Variants in CDH2 observed in about 807,000 individuals in gnomAD.
The protein encoded by CDH2 is cadherin 2.
CDH2 carries 17 observed loss-of-function variants against 92.0 expected under a neutral mutation model. That is an observed-to-expected ratio of 0.18 (90% CI 0.13 to 0.28). The LOEUF (loss-of-function observed/expected upper bound fraction) is 0.28, where lower values mean the gene tolerates loss of function less well. Ranked by LOEUF, CDH2 falls within the 10% of genes least tolerant of loss-of-function variation. The pLI, the probability that CDH2 is intolerant of heterozygous loss-of-function variation, is 1.00. For missense variants in CDH2, 862 were observed against 1,133.1 expected (o/e 0.76, Z 3.44); for synonymous variants, 419 against 415.9 (o/e 1.01, Z -0.09).
intron 9 of CDH2, among the ~76,000 whole-genome samples, chr18:27,990,913 C>A (rs1462264103): frequency 6.6e-6 from 1 of 152,146 alleles, no homozygotes; most frequent in Non-Finnish European, 1.5e-5. Flanking sequence ...CGCACACACA[C>A]CTTTTAAAAA....
intron 2 of CDH2, among the ~76,000 whole-genome samples, chr18:28,116,681 G>A (rs1314186434): frequency 6.6e-6 from 1 of 152,138 alleles, no homozygotes; most frequent in African/African-American, 2.4e-5. Context: ...GCTAATGATT[G>A]TCATTTCCCT....
rs757471184 is a variant in CDH2 at position 28,036,449 on chromosome 18, G to A, written c.173-22540C>T. ...TAACTAAATCACCATGTTATGGAAT[G>A]AATAAGGCAATTTTTGTTACCTGAA... On this transcript the variant is annotated intron_variant, in intron 2 of 15. Transcript: ENST00000269141. The A allele has an allele frequency of 1.5e-5, 17 of 1,171,956 alleles. No homozygotes were observed. In the South Asian group the frequency reaches 2.1e-4, roughly 14 times the overall value. The allele number at this position is 1,171,956 out of a possible 1,614,324, so 72.6% of individuals were successfully genotyped here.
intron 2 of CDH2, among the ~76,000 whole-genome samples, chr18:28,137,480 G>C (rs1401611180): frequency 6.6e-6 from 1 of 152,030 alleles, no homozygotes; most frequent in Non-Finnish European, 1.5e-5. Context: ...ATCCCAACCA[G>C]AGTGATCTAT....
intron 2 of CDH2, among the ~76,000 whole-genome samples, chr18:28,067,024 T>C (rs969113808): frequency 1.3e-5 from 2 of 152,144 alleles, no homozygotes; most frequent in African/African-American, 4.8e-5. Flanking sequence ...ACAAACTCTA[T>C]AAATGTACTA....
At chr18:28,013,126 T>G (rs2144036701) in intron 3 of CDH2, among the ~76,000 whole-genome samples, 1 of 152,340 alleles carries the variant, frequency 6.6e-6, no homozygotes, top group South Asian at 2.1e-4. Flanking sequence ...TGAATTGAAC[T>G]GAATGGCACT....
chr18:27,959,163 T>C (rs554872988), intron 15 of CDH2, among the ~76,000 whole-genome samples: 1 of 152,216 alleles, frequency 6.6e-6, no homozygotes, highest in Non-Finnish European at 1.5e-5. Flanking sequence ...ATGAATTTGT[T>C]TGAACTTTTC....
intron 2 of CDH2, among the ~76,000 whole-genome samples, chr18:28,017,251 T>C (rs2013275678): frequency 6.6e-6 from 1 of 152,124 alleles, no homozygotes; most frequent in Non-Finnish European, 1.5e-5. Flanking sequence ...CTTGAATTTT[T>C]TTTCTTGGCA....
At chr18:28,021,115 T>C (rs1468842358) in intron 2 of CDH2, among the ~76,000 whole-genome samples, 1 of 151,966 alleles carries the variant, frequency 6.6e-6, no homozygotes, top group African/African-American at 2.4e-5. Context: ...AAGCTGGTAT[T>C]AGTCAGAGTT....
chr18:28,165,058 C>T (rs2016358465), intron 1 of CDH2, among the ~76,000 whole-genome samples: 1 of 152,208 alleles, frequency 6.6e-6, no homozygotes, highest in African/African-American at 2.4e-5. Flanking sequence ...AGTGCTCAAA[C>T]TTATTCAAAC....
At chr18:28,039,279 T>C (rs1332336872) in intron 2 of CDH2, among the ~76,000 whole-genome samples, 1 of 152,118 alleles carries the variant, frequency 6.6e-6, no homozygotes, top group African/African-American at 2.4e-5. Flanking sequence ...CAAGGATACA[T>C]GACTCACAGG....
At chr18:28,064,138 G>T (rs890688468) in intron 2 of CDH2, among the ~76,000 whole-genome samples, 4 of 151,594 alleles carry the variant, frequency 2.6e-5, no homozygotes, top group African/African-American at 4.8e-5. Context: ...CTCAAAAGAG[G>T]GGGGGGTAGG....
chr18:28,162,221 A>T (rs1035250812), intron 1 of CDH2, among the ~76,000 whole-genome samples: 3 of 152,170 alleles, frequency 2.0e-5, no homozygotes, highest in Non-Finnish European at 4.4e-5. Flanking sequence ...ATCAAAAAGA[A>T]GTTGGTCCAA....
intron 7 of CDH2, among the ~76,000 whole-genome samples, chr18:28,000,172 C>T (rs1016205933): frequency 5.9e-5 from 9 of 152,140 alleles, no homozygotes; most frequent in South Asian, 2.1e-4. Flanking sequence ...GGTGCAATCA[C>T]GGCTCACTGC....
chr18:28,161,399 T>G (rs1277372068), intron 1 of CDH2, among the ~76,000 whole-genome samples: 1 of 151,660 alleles, frequency 6.6e-6, no homozygotes. Flanking sequence ...GCCAACACAG[T>G]GAAACCCCAT....
Position 28,007,165 on chromosome 18 carries a change from A to AATATAT in CDH2, c.703-1178_703-1173dup, listed in dbSNP as rs1555632742. Among the ~76,000 whole-genome samples, 477 of 110,428 alleles carry AATATAT rather than the reference A, an allele frequency of 4.3e-3. 11 individuals carry two copies. Among genetic ancestry groups the AATATAT allele is most frequent in the East Asian group, 0.038 (166 of 4,350 alleles). The allele number at this position is 110,428 out of a possible 152,430, so 72.4% of individuals were successfully genotyped here. On this transcript the variant is annotated intron_variant, in intron 5 of 15. Transcript: ENST00000269141. The stretch of plus-strand genomic sequence containing the variant: ...ACAGAGTGAGACTCCATAAAAAAAA[A>AATATAT]ATATATATATATATATATATATATA...
At position 28,162,992 on chromosome 18, in the gene CDH2, C is replaced by T. The variant is rs17495300; in HGVS notation, c.60+13971G>A. 4.2e-3 allele frequency among the ~76,000 whole-genome samples: 637 copies of T among 152,296 alleles called. 4 individuals carry two copies. Among genetic ancestry groups the T allele is most frequent in the African/African-American group, 0.015 (605 of 41,558 alleles). ...TTCTCAGTGCTTCAAAACACACCTA[C>T]ACAAGCCATGACTGAAAATGTTAGG... On this transcript the variant is annotated intron_variant, in intron 1 of 15. Transcript: ENST00000269141.
chr18:27,992,889 G>C (rs1204937029), intron 8 of CDH2, 49 bp from the exon 9 acceptor site: 2 of 1,434,474 alleles, frequency 1.4e-6, no homozygotes, highest in Admixed American at 1.8e-5. Flanking sequence ...GACCACTGAA[G>C]GACAACTTGT....
chr18:27,955,246 T>C lies in CDH2; in HGVS notation c.2515-2887A>G, dbSNP rs578194174. On this transcript the variant is annotated intron_variant, in intron 15 of 15. Transcript: ENST00000269141. ...GTCAAGACTCAAATTAGGGATAGCA[T>C]TAGGAGAAATACCTAATGTAGATGA... Among the ~76,000 whole-genome samples, 18 of 151,892 alleles carry C rather than the reference T, an allele frequency of 1.2e-4. No individual in the cohort carries two copies. In the East Asian group the frequency reaches 3.3e-3, roughly 28 times the overall value.
intron 2 of CDH2, among the ~76,000 whole-genome samples, chr18:28,080,432 G>A (rs1198304452): frequency 2.6e-5 from 4 of 152,082 alleles, no homozygotes; most frequent in African/African-American, 7.2e-5. Flanking sequence ...CCATAAAGCT[G>A]CCTCGCCTTC....
Sources: allele counts gnomAD v4.1 joint callset (sites outside exome capture counted in the v4.1 genomes callset), GRCh38; gene constraint gnomAD v4.1.1; transcripts MANE v1.5; gene names NCBI Gene and HGNC (gene_info 2026-07-23, HGNC 2026-07-21).